Variants in CFI observed in about 807,000 individuals in gnomAD.
The protein encoded by CFI is C3B/C4B inactivator.
CFI carries 66 observed loss-of-function variants against 78.8 expected under a neutral mutation model. The ratio of observed to expected loss-of-function variants is 0.84; its 90% CI spans 0.69 to 1.03. The LOEUF is 1.03. Among genes scored for constraint, CFI ranks in the 50% least tolerant of loss-of-function variants. The pLI is 0.00. For synonymous variants in CFI, 250 were observed against 232.6 expected (o/e 1.07, Z -0.68); for missense variants, 706 against 704.5 (o/e 1.00, Z -0.02).
At position 109,740,862 on chromosome 4, in the gene CFI, A is replaced by G; in HGVS notation, c.*31T>C. 1 of 1,573,052 alleles carries G rather than the reference A, an allele frequency of 6.4e-7. No homozygotes were observed. The highest frequency in any genetic ancestry group is 8.7e-7 in the Non-Finnish European group (1 of 1,142,942). On this transcript the variant is annotated 3_prime_UTR_variant, in exon 13 of 13. Transcript: ENST00000394634. Reference sequence around the variant, plus strand: ...CCATTAAATGGAACTCTTGAGAGAAAAAGAATAGAATGAAGAGAGAGATCA... The same window carrying G: ...CCATTAAATGGAACTCTTGAGAGAAGAAGAATAGAATGAAGAGAGAGATCA...
downstream of CFI, among the ~76,000 whole-genome samples, chr4:109,737,465 G>C (rs1219504940): frequency 6.6e-6 from 1 of 152,174 alleles, no homozygotes; most frequent in East Asian, 1.9e-4. Context: ...CATTGTACCT[G>C]GCAAGGTGCA....
At chr4:109,764,956 T>C (rs928147842) in intron 2 of CFI, among the ~76,000 whole-genome samples, 37 of 152,168 alleles carry the variant, frequency 2.4e-4, no homozygotes, top group African/African-American at 8.4e-4. Flanking sequence ...ACAAGGAACC[T>C]CTAGGGGAAG....
At chr4:109,777,663 A>T (rs976855536) in intron 1 of CFI, among the ~76,000 whole-genome samples, 5 of 152,236 alleles carry the variant, frequency 3.3e-5, no homozygotes, top group Non-Finnish European at 1.5e-5. Flanking sequence ...CTCCATACCA[A>T]ATCAACAGAA....
chr4:109,770,210 A>G (rs745993110), intron 1 of CFI, among the ~76,000 whole-genome samples: 1 of 152,190 alleles, frequency 6.6e-6, no homozygotes, highest in South Asian at 2.1e-4. Context: ...GAAATGGGAA[A>G]CCACACATTG....
rs142627014 is a variant in CFI, at chr4:109,791,385, G to A, written c.57+10530C>T. On this transcript the variant is annotated intron_variant, in intron 1 of 12. Transcript: ENST00000394634. ...AATTTGCAAACATTTTCTCCCATCC[G>A]TAGGGTGTCTGTTCACTCTGCTGAT... Among the ~76,000 whole-genome samples, 607 of 151,342 alleles carry A rather than the reference G, an allele frequency of 4.0e-3. 7 individuals are homozygous for A. The highest frequency in any genetic ancestry group is 0.014 in the African/African-American group (577 of 41,264).
intron 1 of CFI, among the ~76,000 whole-genome samples, chr4:109,782,701 A>G (rs192044731): frequency 3.3e-5 from 5 of 152,290 alleles, no homozygotes; most frequent in African/African-American, 1.2e-4. Flanking sequence ...TGGAACCAAA[A>G]AAAGAGCCCA....
chr4:109,753,845 CTTATATTAT>C (rs1725740779), intron 7 of CFI, among the ~76,000 whole-genome samples: 1 of 47,848 alleles, frequency 2.1e-5, no homozygotes, highest in African/African-American at 1.0e-4. Flanking sequence ...AATGTATAAT[CTTATATTAT>C]ATATTATATA....
chr4:109,738,512 T>C (rs907956691), downstream of CFI, among the ~76,000 whole-genome samples: 2 of 152,180 alleles, frequency 1.3e-5, 1 homozygote, highest in Admixed American at 1.3e-4. Flanking sequence ...TGTCCATAAA[T>C]TCTTTGATAC....
intron 1 of CFI, among the ~76,000 whole-genome samples, chr4:109,781,871 A>G (rs1364326110): frequency 2.7e-5 from 4 of 150,758 alleles, no homozygotes; most frequent in Non-Finnish European, 6.0e-5. Flanking sequence ...AAGTCAATAA[A>G]TGTGATACAC....
chr4:109,766,746 C>T lies in CFI; in HGVS notation c.136G>A (p.Val46Ile). ...KKYTHLSCDK[V>I]FCQPWQRCIE... ...CATCTCTGCCATGGCTGGCAGAAGACTTTATCGCAGGAGAGGTGAGTATAT... is the reference window on the plus strand; with the variant it reads ...CATCTCTGCCATGGCTGGCAGAAGATTTTATCGCAGGAGAGGTGAGTATAT... The change falls in exon 2 of 13, where the codon GTC (valine) becomes ATC (isoleucine). Residue 46 changes from valine to isoleucine, a missense_variant. Transcript: ENST00000394634. The T allele has an allele frequency of 6.2e-7, 1 of 1,614,188 alleles. No homozygotes were observed. The highest frequency in any genetic ancestry group is 8.5e-7 in the Non-Finnish European group (1 of 1,180,014).
chr4:109,733,329 A>G, the CFI span, among the ~76,000 whole-genome samples: 1 of 152,164 alleles, frequency 6.6e-6, no homozygotes, highest in Non-Finnish European at 1.5e-5. Context: ...ATTTTGGCAT[A>G]AACTGTTTGA....
At chr4:109,734,677 G>A in the CFI span, among the ~76,000 whole-genome samples, 2 of 152,072 alleles carry the variant, frequency 1.3e-5, no homozygotes, top group African/African-American at 4.8e-5. Context: ...GGTGGCAGGT[G>A]CCTGTAATCC....
intron 7 of CFI, 86 bp downstream of exon 7, chr4:109,757,677 T>C (rs1726493657): frequency 1.1e-6 from 1 of 885,370 alleles, no homozygotes. Flanking sequence ...TCATGCTCCA[T>C]TAACAGTTAC....
At chr4:109,731,531 A>G in the CFI span, among the ~76,000 whole-genome samples, 2 of 152,204 alleles carry the variant, frequency 1.3e-5, no homozygotes, top group Non-Finnish European at 2.9e-5. Flanking sequence ...CAGGCACTTC[A>G]TGAATATGAT....
Position 109,781,515 on chromosome 4 carries a change from A to T in CFI, c.58-14691T>A, listed in dbSNP as rs967465241. On this transcript the variant is annotated intron_variant, in intron 1 of 12. Coordinates refer to ENST00000394634, the MANE Select transcript of CFI (RefSeq NM_000204.5). ...AATCAGCCATATTGAAATGGTAATT[A>T]AAAAATTACCAATGAACAAAAGGTC... Among the ~76,000 whole-genome samples, 6 of 152,280 alleles carry T rather than the reference A, an allele frequency of 3.9e-5. No individual in the cohort carries two copies. In the South Asian group the frequency reaches 8.3e-4, roughly 21 times the overall value.
intron 1 of CFI, among the ~76,000 whole-genome samples, chr4:109,772,801 C>A (rs1163677249): frequency 2.0e-5 from 3 of 152,052 alleles, no homozygotes; most frequent in Non-Finnish European, 4.4e-5. Context: ...CCAGGCTGGT[C>A]TTAAACTCTT....
chr4:109,789,919 T>C (rs1731178226), intron 1 of CFI, among the ~76,000 whole-genome samples: 1 of 152,098 alleles, frequency 6.6e-6, no homozygotes, highest in African/African-American at 2.4e-5. Context: ...TTGGTAGAAT[T>C]CACGAGTGAA....
At chr4:109,800,056 T>TTTTTGGG (rs1732564757) in intron 1 of CFI, among the ~76,000 whole-genome samples, 1 of 148,642 alleles carries the variant, frequency 6.7e-6, no homozygotes, top group African/African-American at 2.4e-5. Context: ...GGATTTTTGG[T>TTTTTGGG]TTTTGGTTTT....
At chr4:109,786,078 G>C (rs1459706212) in intron 1 of CFI, among the ~76,000 whole-genome samples, 1 of 151,878 alleles carries the variant, frequency 6.6e-6, no homozygotes, top group Non-Finnish European at 1.5e-5. Flanking sequence ...CTAGCTCTGA[G>C]AGTGAGTGCA....
Sources: gnomAD v4.1 joint callset for allele counts (sites outside exome capture counted in the v4.1 genomes callset) on GRCh38, gnomAD v4.1.1 for gene constraint, MANE v1.5 for transcripts, NCBI Gene and HGNC (gene_info 2026-07-23, HGNC 2026-07-21) for gene names.